The following PRKD1 variants were observed in gnomAD, a reference collection of about 807,000 sequenced individuals.
PRKD1 encodes the protein protein kinase D1, also known as serine/threonine-protein kinase D1.
A neutral mutation model predicts 95.9 loss-of-function variants in PRKD1; 63 were observed. That is an observed-to-expected ratio of 0.66 (90% CI 0.54 to 0.81). The LOEUF (loss-of-function observed/expected upper bound fraction) is 0.81, where lower values mean the gene tolerates loss of function less well. Ranked by LOEUF, PRKD1 falls within the 30% of genes least tolerant of loss-of-function variation. The pLI, the probability that PRKD1 is intolerant of heterozygous loss-of-function variation, is 0.00. For synonymous variants in PRKD1, 425 were observed against 423.1 expected (o/e 1.00, Z -0.05); for missense variants, 1,048 against 1,165.3 (o/e 0.90, Z 1.47).
At chr14:29,922,961 A>T (rs1442314667) in intron 1 of PRKD1, among the ~76,000 whole-genome samples, 2 of 151,964 alleles carry the variant, frequency 1.3e-5, no homozygotes, top group African/African-American at 2.4e-5. Flanking sequence ...GCTCACACCC[A>T]GTGGGATTCC....
At chr14:29,622,131 C>A (rs907038444) in intron 13 of PRKD1, among the ~76,000 whole-genome samples, 12 of 152,186 alleles carry the variant, frequency 7.9e-5, no homozygotes, top group African/African-American at 2.6e-4. Context: ...ACCAGAAGAT[C>A]CTTCTCTTGT....
intron 1 of PRKD1, among the ~76,000 whole-genome samples, chr14:29,799,621 TG>T (rs1202879448): frequency 3.9e-5 from 6 of 152,224 alleles, no homozygotes; most frequent in Admixed American, 3.3e-4. Context: ...AGAGTGTCTT[TG>T]GGGGAGCTAT....
chr14:29,588,735 T>C (rs1356330620), intron 16 of PRKD1, among the ~76,000 whole-genome samples: 1 of 151,644 alleles, frequency 6.6e-6, no homozygotes, highest in Non-Finnish European at 1.5e-5. Context: ...AAAGGCAAAA[T>C]TATCAGATTG....
At chr14:29,844,052 G>C (rs927950606) in intron 1 of PRKD1, among the ~76,000 whole-genome samples, 4 of 152,158 alleles carry the variant, frequency 2.6e-5, no homozygotes, top group Non-Finnish European at 5.9e-5. Context: ...GCTTAGAAAA[G>C]GCACAGAGCT....
intron 1 of PRKD1, among the ~76,000 whole-genome samples, chr14:29,926,494 AT>A (rs1479339489): frequency 6.6e-6 from 1 of 152,100 alleles, no homozygotes; most frequent in Non-Finnish European, 1.5e-5. Context: ...CTGGCCCCGG[AT>A]AATGACCCTT....
intron 1 of PRKD1, among the ~76,000 whole-genome samples, chr14:29,794,271 T>C (rs1252915064): frequency 2.6e-5 from 4 of 151,694 alleles, no homozygotes; most frequent in Non-Finnish European, 5.9e-5. Flanking sequence ...ATTATTATAT[T>C]CTTTTTAAAG....
intron 4 of PRKD1, among the ~76,000 whole-genome samples, chr14:29,651,169 G>C (rs1881470097): frequency 6.6e-6 from 1 of 152,162 alleles, no homozygotes; most frequent in Non-Finnish European, 1.5e-5. Context: ...AAAAGAGAAA[G>C]AGACAAAAGA....
At chr14:29,920,257 T>G (rs1005464149) in intron 1 of PRKD1, among the ~76,000 whole-genome samples, 1 of 152,144 alleles carries the variant, frequency 6.6e-6, no homozygotes, top group South Asian at 2.1e-4. Flanking sequence ...AAAATCACTC[T>G]AAAGTAATGC....
chr14:29,780,549 C>A (rs1212139128), intron 1 of PRKD1, among the ~76,000 whole-genome samples: 1 of 152,220 alleles, frequency 6.6e-6, no homozygotes, highest in Non-Finnish European at 1.5e-5. Context: ...TGCTCATCAT[C>A]ACTGGCCATC....
chr14:29,818,083 G>A (rs543956935), intron 1 of PRKD1, among the ~76,000 whole-genome samples: 1 of 152,318 alleles, frequency 6.6e-6, no homozygotes, highest in African/African-American at 2.4e-5. Context: ...CAATTTGACT[G>A]CACTGTGTTT....
intron 1 of PRKD1, among the ~76,000 whole-genome samples, chr14:29,919,115 G>A (rs976591427): frequency 2.6e-5 from 4 of 152,162 alleles, no homozygotes; most frequent in Admixed American, 2.0e-4. Context: ...AGATGCCAAT[G>A]AACTAGTGAA....
intron 3 of PRKD1, 100 bp downstream of exon 3, chr14:29,665,977 G>A: frequency 7.6e-7 from 1 of 1,320,774 alleles, no homozygotes; most frequent in Non-Finnish European, 1.0e-6. Flanking sequence ...ATTGGTTGAT[G>A]GGCACTTAGC....
At chr14:29,812,005 T>A (rs1317223576) in intron 1 of PRKD1, 1 of 152,208 alleles carries the variant, frequency 6.6e-6, no homozygotes. Flanking sequence ...ATTTGTTATG[T>A]GTTTCATATT....
chr14:29,696,977 G>C (rs934873320), intron 2 of PRKD1, among the ~76,000 whole-genome samples: 5 of 152,016 alleles, frequency 3.3e-5, no homozygotes, highest in African/African-American at 1.2e-4. Flanking sequence ...TGCCGTGCTT[G>C]AGCGCCATTT....
At position 29,624,174 on chromosome 14, in the gene PRKD1, C is replaced by T. The variant is rs369851896; in HGVS notation, c.1883G>A (p.Arg628His). 18 of 1,604,076 alleles carry T rather than the reference C, an allele frequency of 1.1e-5. No individual in the cohort carries two copies. The highest frequency in any genetic ancestry group is 4.5e-5 in the South Asian group (4 of 89,698). Reference protein sequence around the residue: ...RFPTKQESQLRNEVAILQNLH... With the variant: ...RFPTKQESQLHNEVAILQNLH... ...TACCTGTAGAATTGCAACCTCATTA[C>T]GAAGCTGGCTTTCTTGTTTTGTTGG... is the stretch of plus-strand genomic sequence containing the variant. The change falls in exon 13 of 18, where the codon CGT becomes CAT. Residue 628 changes from arginine (R) to histidine (H), a missense_variant. Transcript: ENST00000331968.
At chr14:29,906,552 C>CT (rs1894504343) in intron 1 of PRKD1, among the ~76,000 whole-genome samples, 3 of 152,046 alleles carry the variant, frequency 2.0e-5, no homozygotes, top group Admixed American at 2.0e-4. Context: ...AAGCTAAACT[C>CT]TGACTTAAGA....
chr14:29,637,515 A>C (rs1880465481), intron 6 of PRKD1, among the ~76,000 whole-genome samples: 1 of 152,192 alleles, frequency 6.6e-6, no homozygotes. Context: ...GTAATCAACA[A>C]CATCAAAAAC....
chr14:29,674,955 T>G (rs1168975317), intron 2 of PRKD1, among the ~76,000 whole-genome samples: 2 of 152,232 alleles, frequency 1.3e-5, no homozygotes, highest in Non-Finnish European at 2.9e-5. Flanking sequence ...TTACTTTCGA[T>G]TCATGAACAA....
chr14:29,698,229 C>T (rs1884637327), intron 2 of PRKD1, among the ~76,000 whole-genome samples: 1 of 152,132 alleles, frequency 6.6e-6, no homozygotes. Context: ...TGGATAATCA[C>T]ATATGATATA....
Sources: gnomAD v4.1 joint callset for allele counts (sites outside exome capture counted in the v4.1 genomes callset) on GRCh38, gnomAD v4.1.1 for gene constraint, MANE v1.5 for transcripts, NCBI Gene and HGNC (gene_info 2026-07-23, HGNC 2026-07-21) for gene names.